TBC1D3B: variants seen among roughly 807,000 people sequenced by gnomAD.
TBC1D3B encodes the protein Rab GTPase-activating protein PRC17 duplicate.
In TBC1D3B, 2 loss-of-function variants were observed where a neutral mutation model predicts 27.1. The ratio of observed to expected loss-of-function variants is 0.07; its 90% CI spans 0.03 to 0.23. The LOEUF is 0.23. TBC1D3B is among the 10% of genes least tolerant of loss of function. TBC1D3B has a pLI of 1.00. For synonymous variants in TBC1D3B, 3 were observed against 150.1 expected, an observed-to-expected ratio of 0.02 and a Z score of 7.16; for missense variants, 17 against 401.3, an observed-to-expected ratio of 0.04 and a Z score of 8.18.
intron 13 of TBC1D3B, among the ~76,000 whole-genome samples, chr17:36,167,057 C>G (rs1242215526): frequency 2.3e-4 from 24 of 106,144 alleles, no homozygotes; most frequent in African/African-American, 5.9e-4. Flanking sequence ...GCCCGGGGTC[C>G]CGCCTGTGCC....
chr17:36,165,867 C>G lies in TBC1D3B; in HGVS notation c.*128G>C. 1 of 958,944 alleles carries G rather than the reference C, an allele frequency of 1.0e-6. No individual in the cohort carries two copies. The highest frequency in any genetic ancestry group is 2.2e-5 in the East Asian group (1 of 44,626). The allele number at this position is 958,944 out of a possible 1,614,324, so 59.4% of individuals were successfully genotyped here. ...TCTGGTGTGTTCCATCTCTGAATGTCTCTCAAGCTGCACTCTTTCTTAATA... is the reference window on the plus strand; with the variant it reads ...TCTGGTGTGTTCCATCTCTGAATGTGTCTCAAGCTGCACTCTTTCTTAATA... On this transcript the variant is annotated 3_prime_UTR_variant, in exon 14 of 14. Coordinates refer to ENST00000611257, the MANE Select transcript of TBC1D3B (RefSeq NM_001001417.7).
In TBC1D3B at chr17:36,165,904, G is replaced by A; in HGVS notation, c.*91C>T. ...ACTCTTTCTTAATACATATTCATAAGTTTAACCAAAAATAAAACGAGGACG... is the reference window on the plus strand; with the variant it reads ...ACTCTTTCTTAATACATATTCATAAATTTAACCAAAAATAAAACGAGGACG... On this transcript the variant is annotated 3_prime_UTR_variant, in exon 14 of 14. Coordinates refer to ENST00000611257, the MANE Select transcript of TBC1D3B (RefSeq NM_001001417.7). The A allele has an allele frequency of 2.0e-6, 2 of 979,144 alleles. 1 individual carries two copies. The allele number at this position is 979,144 out of a possible 1,614,324, so 60.7% of individuals were successfully genotyped here.
intron 7 of TBC1D3B, among the ~76,000 whole-genome samples, chr17:36,171,552 G>A (rs1323131987): frequency 6.0e-5 from 9 of 150,932 alleles, no homozygotes; most frequent in Non-Finnish European, 1.2e-4. Context: ...CCACCCTCCC[G>A]TGGGTCCTAC....
At chr17:36,171,366 G>A (rs1471055082) in intron 7 of TBC1D3B, among the ~76,000 whole-genome samples, 1 of 150,958 alleles carries the variant, frequency 6.6e-6, no homozygotes, top group East Asian at 1.9e-4. Flanking sequence ...TGACACTTTG[G>A]GGATGTGTGG....
intron 9 of TBC1D3B, among the ~76,000 whole-genome samples, 163 bp from the exon 10 acceptor site, chr17:36,169,337 C>T (rs1173800147): frequency 7.3e-5 from 11 of 149,858 alleles, no homozygotes; most frequent in Admixed American, 2.7e-4. Context: ...GGAGGTGGGG[C>T]GGGAACATTC....
intron 10 of TBC1D3B, 75 bp downstream of exon 10, chr17:36,169,005 G>A (rs1461387382): frequency 0.031 from 48,000 of 1,548,706 alleles, 2,392 homozygotes; most frequent in Middle Eastern, 0.09. Context: ...CCCACGAGGG[G>A]CCCCAGCCCC....
intron 9 of TBC1D3B, among the ~76,000 whole-genome samples, chr17:36,169,376 AGGCCTCCTG>A (rs1319763624): frequency 6.7e-6 from 1 of 149,222 alleles, no homozygotes; most frequent in Admixed American, 6.7e-5. Flanking sequence ...GTTCCCCTGG[AGGCCTCCTG>A]GGCCAGGGTG....
chr17:36,167,853 TCCG>T (rs2068283096), intron 12 of TBC1D3B, among the ~76,000 whole-genome samples, 157 bp from the exon 13 acceptor site: 7 of 28,708 alleles, frequency 2.4e-4, no homozygotes, highest in South Asian at 1.2e-3. Context: ...TGGGGGGCGA[TCCG>T]GACAGGGAAG....
chr17:36,171,280 CGAG>C (rs1165440398), intron 7 of TBC1D3B, among the ~76,000 whole-genome samples: 1 of 150,952 alleles, frequency 6.6e-6, no homozygotes, highest in African/African-American at 2.4e-5. Flanking sequence ...GTGTGAGTGA[CGAG>C]GAGTCAAGCA....
At position 36,165,748 on chromosome 17, in the gene TBC1D3B, A is replaced by C. The variant is rs2068239773; in HGVS notation, c.*247T>G. The C allele has an allele frequency of 1.1e-6, 1 of 936,184 alleles. No individual in the cohort carries two copies. Among genetic ancestry groups the C allele is most frequent in the Non-Finnish European group, 1.6e-6 (1 of 613,748 alleles). The allele number at this position is 936,184 out of a possible 1,614,324, so 58.0% of individuals were successfully genotyped here. ...ATCCTTCCATGAGTTTAAAGTACAA[A>C]GGCAGGCTCACGGTGTCGTCAGAAT... On this transcript the variant is annotated 3_prime_UTR_variant, in exon 14 of 14. Coordinates refer to ENST00000611257, the MANE Select transcript of TBC1D3B (RefSeq NM_001001417.7).
Position 36,165,836 on chromosome 17 carries a change from C to T in TBC1D3B, c.*159G>A, listed in dbSNP as rs2068242124. 3 of 958,178 alleles carry T rather than the reference C, an allele frequency of 3.1e-6. No homozygotes were observed. In the African/African-American group the frequency reaches 4.3e-5, roughly 14 times the overall value. The allele number at this position is 958,178 out of a possible 1,614,324, so 59.4% of individuals were successfully genotyped here. ...GGCTGGGCATGGTTGGCTTTGTGATCTGGGGTCTGGTGTGTTCCATCTCTG... is the reference window on the plus strand; with the variant it reads ...GGCTGGGCATGGTTGGCTTTGTGATTTGGGGTCTGGTGTGTTCCATCTCTG... On this transcript the variant is annotated 3_prime_UTR_variant, in exon 14 of 14. Transcript: ENST00000611257.
Position 36,170,623 on chromosome 17 carries a change from G to T in TBC1D3B, c.498-20C>A, listed in dbSNP as rs1455105664. The stretch of plus-strand genomic sequence containing the variant: ...CGCTGCCTAGGAAACAGAGAAAGGG[G>T]GCTTTGGTTTGTTTTGTGCAGATGT... On this transcript the variant is annotated intron_variant, in intron 7 of 13. Transcript: ENST00000611257. The T allele has an allele frequency of 2.8e-6, 1 of 351,518 alleles. No individual in the cohort carries two copies. Among genetic ancestry groups the T allele is most frequent in the Non-Finnish European group, 5.6e-6 (1 of 177,126 alleles). 21.8% of individuals were successfully genotyped at this position (351,518 alleles called of 1,614,324 possible). A position where few individuals can be genotyped will look rare whatever the true frequency, so the allele number is the denominator to read the frequency against.
intron 7 of TBC1D3B, 27 bp downstream of exon 7, chr17:36,171,827 TG>T: frequency 9.4e-7 from 1 of 1,061,278 alleles, no homozygotes; most frequent in Non-Finnish European, 1.5e-6. Context: ...CCATCTCTGC[TG>T]GGACCCTGTG....
chr17:36,175,686 T>G (rs1421587265), intron 1 of TBC1D3B, among the ~76,000 whole-genome samples: 72 of 103,894 alleles, frequency 6.9e-4, no homozygotes, highest in Non-Finnish European at 1.1e-3. Context: ...TCCACCATTC[T>G]GAGCCGTCCC....
intron 9 of TBC1D3B, among the ~76,000 whole-genome samples, chr17:36,169,533 TC>T (rs1485973165): frequency 6.7e-6 from 1 of 148,664 alleles, no homozygotes; most frequent in Non-Finnish European, 1.5e-5. Flanking sequence ...CTGGGCTTGG[TC>T]GGCCCATTCG....
intron 9 of TBC1D3B, among the ~76,000 whole-genome samples, chr17:36,169,570 G>A (rs1408321287): frequency 6.8e-6 from 1 of 146,252 alleles, no homozygotes; most frequent in Non-Finnish European, 1.6e-5. Context: ...GCAGGAGCCC[G>A]GGCAGCTGGA....
intron 9 of TBC1D3B, among the ~76,000 whole-genome samples, chr17:36,169,552 C>T (rs1344871324): frequency 2.7e-5 from 4 of 147,658 alleles, no homozygotes; most frequent in Admixed American, 1.4e-4. Flanking sequence ...TCGTGGGCAC[C>T]GATGGCAGCA....
At position 36,170,605 on chromosome 17, in the gene TBC1D3B, T is replaced by A; in HGVS notation, c.498-2A>T. On this transcript the variant is annotated splice_acceptor_variant, in intron 7 of 13. Coordinates refer to ENST00000611257, the MANE Select transcript of TBC1D3B (RefSeq NM_001001417.7). LOFTEE classifies it high-confidence loss of function. Reference sequence around the variant, plus strand: ...AGGATGTGGAGTAGTTCCCGCTGCCTAGGAAACAGAGAAAGGGGGCTTTGG... The same window carrying A: ...AGGATGTGGAGTAGTTCCCGCTGCCAAGGAAACAGAGAAAGGGGGCTTTGG... 1 of 381,254 alleles carries A rather than the reference T, an allele frequency of 2.6e-6. No individual in the cohort carries two copies. Among genetic ancestry groups the A allele is most frequent in the South Asian group, 2.3e-5 (1 of 42,562 alleles). The allele number at this position is 381,254 out of a possible 1,614,324, so 23.6% of individuals were successfully genotyped here. A position where few individuals can be genotyped will look rare whatever the true frequency, so the allele number is the denominator to read the frequency against.
rs1466041998 is a variant in TBC1D3B at position 36,169,182 on chromosome 17, G to T, written c.668-8C>A. The T allele has an allele frequency of 6.2e-7, 1 of 1,600,680 alleles. No homozygotes were observed. Among genetic ancestry groups the T allele is most frequent in the Admixed American group, 1.7e-5 (1 of 59,726 alleles). ...CATTTGGGCTGTGAAATCCTGAGAA[G>T]CCCCCAGCCCATCATGAAATCAGAG... On this transcript the variant is annotated splice_region_variant and splice_polypyrimidine_tract_variant and intron_variant, in intron 9 of 13. Coordinates refer to ENST00000611257, the MANE Select transcript of TBC1D3B (RefSeq NM_001001417.7).
Sources: gnomAD v4.1 joint callset for allele counts (sites outside exome capture counted in the v4.1 genomes callset) on GRCh38, gnomAD v4.1.1 for gene constraint, MANE v1.5 for transcripts, NCBI Gene and HGNC (gene_info 2026-07-23, HGNC 2026-07-21) for gene names.